AP1M2: variants seen among roughly 807,000 people sequenced by gnomAD.
AP1M2 encodes adaptor related protein complex 1 subunit mu 2.
In AP1M2, 41 loss-of-function variants were observed where a neutral mutation model predicts 54.6. The ratio of observed to expected loss-of-function variants is 0.75; its 90% CI spans 0.59 to 0.97. The LOEUF (loss-of-function observed/expected upper bound fraction) is 0.97, where lower values mean the gene tolerates loss of function less well. Among genes scored for constraint, AP1M2 ranks in the 50% least tolerant of loss-of-function variants. The probability of loss-of-function intolerance (pLI) is 0.00; values close to 1 mark genes in which losing one functional copy is unlikely to be tolerated. For synonymous variants in AP1M2, 219 were observed against 215.9 expected (o/e 1.01, Z -0.13); for missense variants, 507 against 561.2 (o/e 0.90, Z 0.98).
intron 9 of AP1M2, among the ~76,000 whole-genome samples, chr19:10,575,304 A>T (rs1432515346): frequency 6.6e-6 from 1 of 152,068 alleles, no homozygotes; most frequent in African/African-American, 2.4e-5. Flanking sequence ...GTGAGCCATG[A>T]TCTCACCACT....
chr19:10,584,094 G>A, intron 1 of AP1M2, 24 bp from the exon 2 acceptor site: 1 of 1,601,738 alleles, frequency 6.2e-7, no homozygotes, highest in Non-Finnish European at 8.5e-7. Flanking sequence ...GAAAGGACCT[G>A]GTCACCACCA....
At chr19:10,574,729 G>A (rs886106643) in intron 10 of AP1M2, among the ~76,000 whole-genome samples, 175 bp downstream of exon 10, 5 of 152,202 alleles carry the variant, frequency 3.3e-5, no homozygotes, top group African/African-American at 1.2e-4. Flanking sequence ...CAGGCCGGGG[G>A]AGAGGGAGCA....
intron 1 of AP1M2, among the ~76,000 whole-genome samples, chr19:10,585,800 G>A (rs1338592906): frequency 6.6e-6 from 1 of 151,946 alleles, no homozygotes; most frequent in Non-Finnish European, 1.5e-5. Context: ...AATATTAATG[G>A]GAATATTATT....
At chr19:10,582,541 G>A (rs1917501288) in intron 3 of AP1M2, among the ~76,000 whole-genome samples, 1 of 151,878 alleles carries the variant, frequency 6.6e-6, no homozygotes, top group Non-Finnish European at 1.5e-5. Flanking sequence ...TTGAGGTCAG[G>A]AGTTTGAGAC....
At chr19:10,586,001 C>A (rs915394625) in intron 1 of AP1M2, among the ~76,000 whole-genome samples, 2 of 151,738 alleles carry the variant, frequency 1.3e-5, no homozygotes, top group East Asian at 3.9e-4. Flanking sequence ...AGGCCGGGTG[C>A]GGCCGGGCGC....
At chr19:10,581,998 G>T in intron 3 of AP1M2, 120 bp from the exon 4 acceptor site, 1 of 1,122,538 alleles carries the variant, frequency 8.9e-7, no homozygotes, top group Non-Finnish European at 1.2e-6. Context: ...AAGGTCATGA[G>T]TTCAAGACCA....
intron 7 of AP1M2, among the ~76,000 whole-genome samples, chr19:10,579,173 T>C (rs1411413341): frequency 1.3e-5 from 2 of 151,872 alleles, no homozygotes; most frequent in Non-Finnish European, 2.9e-5. Flanking sequence ...TCCCAGCACT[T>C]TGGGAGGCCA....
At chr19:10,585,287 G>GAAGA (rs1917606249) in intron 1 of AP1M2, among the ~76,000 whole-genome samples, 5 of 47,334 alleles carry the variant, frequency 1.1e-4, no homozygotes, top group African/African-American at 3.8e-4. Context: ...AAGAAAAAAA[G>GAAGA]AAAGAAAGAA....
chr19:10,579,291 C>T (rs1423272083), intron 7 of AP1M2, among the ~76,000 whole-genome samples: 1 of 152,052 alleles, frequency 6.6e-6, no homozygotes. Flanking sequence ...TGGCATGCGC[C>T]TATAGTCCCA....
chr19:10,583,510 A>C (rs1917529755), intron 3 of AP1M2, 96 bp downstream of exon 3: 1 of 960,624 alleles, frequency 1.0e-6, no homozygotes, highest in African/African-American at 1.6e-5. Flanking sequence ...GAGATCTGGG[A>C]AGGCTTCCTA....
At chr19:10,584,332 G>A (rs1335210878) in intron 1 of AP1M2, among the ~76,000 whole-genome samples, 3 of 152,230 alleles carry the variant, frequency 2.0e-5, no homozygotes, top group African/African-American at 4.8e-5. Context: ...TGTGATCCCA[G>A]CATTTTGGGA....
At chr19:10,577,600 A>AT (rs901902989) in intron 8 of AP1M2, among the ~76,000 whole-genome samples, 8 of 150,300 alleles carry the variant, frequency 5.3e-5, no homozygotes, top group East Asian at 2.0e-4. Flanking sequence ...CGCCCAGCTA[A>AT]TTTTTTTTGT....
At position 10,581,478 on chromosome 19, in the gene AP1M2, C is replaced by G; in HGVS notation, c.546+9G>C. ...GTGGAAGGGGTGCCGGGGAGGTGTG[C>G]AGGCTCACCAGCAGGTTGACAGACT... is the stretch of plus-strand genomic sequence containing the variant. On this transcript the variant is annotated intron_variant, in intron 5 of 11. Coordinates refer to ENST00000250244, the MANE Select transcript of AP1M2 (RefSeq NM_005498.5). 3.1e-6 allele frequency: 5 copies of G among 1,613,502 alleles called. No individual in the cohort carries two copies. The South Asian group carries it at 5.5e-5, about 18-fold the overall frequency.
At chr19:10,577,438 T>TC in intron 8 of AP1M2, 82 bp from the exon 9 acceptor site, 8 of 1,296,096 alleles carry the variant, frequency 6.2e-6, no homozygotes, top group Non-Finnish European at 7.1e-6. Flanking sequence ...TTTTTTTTTT[T>TC]TTTTTTTTTT....
chr19:10,583,862 A>G (rs1409684785), intron 2 of AP1M2, 52 bp downstream of exon 2: 13 of 1,551,588 alleles, frequency 8.4e-6, no homozygotes. Flanking sequence ...AGCTGCCACC[A>G]TCGCCGACAG....
chr19:10,582,842 T>TC (rs1371632639), intron 3 of AP1M2, among the ~76,000 whole-genome samples: 2 of 150,714 alleles, frequency 1.3e-5, no homozygotes, highest in East Asian at 3.9e-4. Flanking sequence ...TTTTTTTTTT[T>TC]TGAGACTAAG....
In AP1M2 at chr19:10,581,869, C is replaced by G; in HGVS notation, c.277G>C (p.Glu93Gln). 1 of 1,611,062 alleles carries G rather than the reference C, an allele frequency of 6.2e-7. No homozygotes were observed. The highest frequency in any genetic ancestry group is 8.5e-7 in the Non-Finnish European group (1 of 1,178,748). The change falls in exon 4 of 12, where the codon GAA becomes CAA. Residue 93 changes from glutamate to glutamine, a missense_variant. Glu to Gln is a conservative substitution (Grantham distance 29). Transcript: ENST00000250244. ...FLYKTIEVFC[E>Q]YFKELEEESI... The stretch of plus-strand genomic sequence containing the variant: ...TCCTCCTCCAGCTCCTTGAAGTATT[C>G]GCAGAATACCTGGGGGTTGGAGGAG...
intron 1 of AP1M2, 73 bp from the exon 2 acceptor site, chr19:10,584,143 C>T (rs774454546): frequency 1.5e-5 from 22 of 1,516,712 alleles, no homozygotes; most frequent in East Asian, 2.4e-5. Context: ...GCACAGTGCC[C>T]GGTTCTGACC....
At chr19:10,576,258 ATTTTTT>A (rs34667196) in intron 9 of AP1M2, among the ~76,000 whole-genome samples, 20 of 82,552 alleles carry the variant, frequency 2.4e-4, no homozygotes, top group Admixed American at 6.9e-4. Flanking sequence ...TGCCCGGCTA[ATTTTTT>A]TTTTTTTTTT....
Sources: allele counts gnomAD v4.1 joint callset (sites outside exome capture counted in the v4.1 genomes callset), GRCh38; gene constraint gnomAD v4.1.1; transcripts MANE v1.5; gene names NCBI Gene and HGNC (gene_info 2026-07-23, HGNC 2026-07-21).